The following DDAH1 variants were observed in gnomAD, a reference collection of about 807,000 sequenced individuals.
DDAH1 encodes dimethylarginine dimethylaminohydrolase 1.
In DDAH1, 19 loss-of-function variants were observed where a neutral mutation model predicts 28.8. That is an observed-to-expected ratio of 0.66 (90% CI 0.46 to 0.97). The LOEUF is 0.97. Ranked by LOEUF, DDAH1 falls within the 50% of genes least tolerant of loss-of-function variation. The pLI is 0.00. For missense variants in DDAH1, 326 were observed against 375.9 expected (o/e 0.87, Z 1.10); for synonymous variants, 153 against 154.4 (o/e 0.99, Z 0.07).
intron 2 of DDAH1, among the ~76,000 whole-genome samples, chr1:85,357,768 T>A (rs1300189162): frequency 6.6e-6 from 1 of 152,230 alleles, no homozygotes; most frequent in Non-Finnish European, 1.5e-5. Flanking sequence ...ATCTTGCTCA[T>A]CAGTATAACC....
At chr1:85,498,699 A>C (rs1486723121) in intron 1 of DDAH1, among the ~76,000 whole-genome samples, 1 of 152,196 alleles carries the variant, frequency 6.6e-6, no homozygotes, top group African/African-American at 2.4e-5. Context: ...TGGGCAGATC[A>C]CTTGAGGTCA....
chr1:85,374,929 A>T (rs1650579180), intron 1 of DDAH1, among the ~76,000 whole-genome samples: 1 of 152,184 alleles, frequency 6.6e-6, no homozygotes. Context: ...ATTTTAGAGT[A>T]CTTCAAGACC....
chr1:85,475,545 C>T (rs1390772290), intron 2 of DDAH1, among the ~76,000 whole-genome samples: 1 of 152,106 alleles, frequency 6.6e-6, no homozygotes, highest in Non-Finnish European at 1.5e-5. Flanking sequence ...TAAGAATTAC[C>T]TACATTTTAA....
chr1:85,387,470 G>A (rs548498949), intron 1 of DDAH1, among the ~76,000 whole-genome samples: 5 of 152,212 alleles, frequency 3.3e-5, no homozygotes, highest in African/African-American at 9.6e-5. Flanking sequence ...CAATGCTGCC[G>A]AGATATTTGT....
At chr1:85,496,364 C>T in intron 1 of DDAH1, 1 of 224,636 alleles carries the variant, frequency 4.5e-6, no homozygotes, top group Non-Finnish European at 7.4e-6. Context: ...AAATAGTCTT[C>T]TCTAGAGAGA....
chr1:85,531,273 T>A (rs1398553809), intron 1 of DDAH1, among the ~76,000 whole-genome samples: 2 of 151,944 alleles, frequency 1.3e-5, no homozygotes, highest in Admixed American at 6.6e-5. Context: ...TTTAACCCCA[T>A]CTGAGACATA....
exon 1 of DDAH1, chr1:85,578,101 AC>A: frequency 1.5e-6 from 1 of 680,100 alleles, no homozygotes; most frequent in Non-Finnish European, 1.8e-6. Context: ...TTTGGGCAGG[AC>A]TTGAGGAGCC....
intron 1 of DDAH1, among the ~76,000 whole-genome samples, chr1:85,497,946 C>T (rs1271877119): frequency 6.6e-6 from 1 of 152,306 alleles, no homozygotes; most frequent in East Asian, 1.9e-4. Context: ...ACTAGAATTA[C>T]TGACAATTCA....
chr1:85,473,974 C>G (rs1051042447), intron 2 of DDAH1, among the ~76,000 whole-genome samples: 2 of 152,210 alleles, frequency 1.3e-5, no homozygotes, highest in African/African-American at 4.8e-5. Flanking sequence ...TATTTGGCTG[C>G]TCCAAAGGCA....
intron 4 of DDAH1, among the ~76,000 whole-genome samples, chr1:85,348,842 G>C (rs1416209342): frequency 6.6e-6 from 1 of 152,166 alleles, no homozygotes. Flanking sequence ...TTGAGGTAGG[G>C]ACCAAATGAT....
rs767346608 is a variant in DDAH1 at position 85,464,711 on chromosome 1, GC to G, written c.303+31del. On this transcript the variant is annotated intron_variant, in intron 1 of 5. Transcript: ENST00000284031. This position sits in a 1 kb window ranked among gnomAD's most constrained non-coding sequence, Gnocchi z 4.4. ...GGCGGCGGGGGAGGGCCTGGCGCGCGCCCCGGCCGCGCCCCTCGAGTCGGCA... is the reference window on the plus strand; with the variant it reads ...GGCGGCGGGGGAGGGCCTGGCGCGCGCCCGGCCGCGCCCCTCGAGTCGGCA... The G allele has an allele frequency of 1.4e-6, 2 of 1,440,236 alleles. No individual in the cohort carries two copies. Among genetic ancestry groups the G allele is most frequent in the Non-Finnish European group, 1.8e-6 (2 of 1,104,380 alleles). 89.2% of individuals were successfully genotyped at this position (1,440,236 alleles called of 1,614,324 possible). A position where few individuals can be genotyped will look rare whatever the true frequency, so the allele number is the denominator to read the frequency against.
intron 1 of DDAH1, among the ~76,000 whole-genome samples, chr1:85,378,663 C>A (rs903394847): frequency 1.3e-5 from 2 of 152,214 alleles, no homozygotes; most frequent in Non-Finnish European, 2.9e-5. Flanking sequence ...TCCACCTCGG[C>A]CTCCCAATGT....
chr1:85,449,538 G>T (rs61783054), intron 1 of DDAH1, among the ~76,000 whole-genome samples: 14,078 of 152,104 alleles, frequency 0.093, 726 homozygotes, highest in Middle Eastern at 0.14. Flanking sequence ...ATAGCCAGAT[G>T]GCTTCCAGGG....
intron 2 of DDAH1, among the ~76,000 whole-genome samples, chr1:85,356,596 GA>G (rs1157347295): frequency 6.6e-6 from 1 of 152,198 alleles, no homozygotes; most frequent in African/African-American, 2.4e-5. Context: ...GTGACAAGTA[GA>G]AAATAGAAGG....
intron 1 of DDAH1, among the ~76,000 whole-genome samples, chr1:85,377,996 T>C (rs1650774826): frequency 6.6e-6 from 1 of 152,238 alleles, no homozygotes; most frequent in Non-Finnish European, 1.5e-5. Flanking sequence ...ATGAATATTT[T>C]ATAAGTGACT....
intron 1 of DDAH1, among the ~76,000 whole-genome samples, chr1:85,412,067 T>C (rs1316522110): frequency 6.6e-6 from 1 of 152,244 alleles, no homozygotes; most frequent in South Asian, 2.1e-4. Context: ...AATTCCTACA[T>C]GTACCAAATT....
intron 2 of DDAH1, among the ~76,000 whole-genome samples, chr1:85,474,286 C>T (rs1344041218): frequency 6.6e-6 from 1 of 152,206 alleles, no homozygotes; most frequent in East Asian, 1.9e-4. Context: ...TCTTTCTGAA[C>T]TGCAAATCTA....
At chr1:85,481,107 T>TTG (rs1656000143) in intron 2 of DDAH1, among the ~76,000 whole-genome samples, 1 of 147,862 alleles carries the variant, frequency 6.8e-6, no homozygotes, top group East Asian at 2.0e-4. Context: ...TGTTTTTTTT[T>TTG]TTTTTTTTGA....
intron 1 of DDAH1, among the ~76,000 whole-genome samples, chr1:85,440,041 G>A (rs1478228001): frequency 6.6e-6 from 1 of 152,078 alleles, no homozygotes; most frequent in Non-Finnish European, 1.5e-5. Context: ...TGATGATCCA[G>A]GTCAAAACAA....
Sources: gnomAD v4.1 joint callset for allele counts (sites outside exome capture counted in the v4.1 genomes callset) on GRCh38, gnomAD v4.1.1 for gene constraint, Gnocchi (gnomAD v3.1) non-coding constraint, MANE v1.5 for transcripts, NCBI Gene and HGNC (gene_info 2026-07-23, HGNC 2026-07-21) for gene names.